Variants in MORC2 observed in about 807,000 individuals in gnomAD.
MORC2 encodes the protein ATPase MORC2.
A neutral mutation model predicts 136.0 loss-of-function variants in MORC2; 30 were observed. The ratio of observed to expected loss-of-function variants is 0.22; its 90% CI spans 0.17 to 0.30. MORC2 has a LOEUF of 0.30. Among genes scored for constraint, MORC2 ranks in the 10% least tolerant of loss-of-function variants. The pLI is 1.00. For missense variants in MORC2, 922 were observed against 1,333.1 expected (o/e 0.69, Z 4.80); for synonymous variants, 439 against 487.0 (o/e 0.90, Z 1.30).
intron 12 of MORC2, among the ~76,000 whole-genome samples, chr22:30,938,865 G>A (rs867600105): frequency 3.3e-5 from 5 of 152,086 alleles, no homozygotes; most frequent in Admixed American, 1.3e-4. Flanking sequence ...CACCGTGCCC[G>A]GCCAATTATT....
chr22:30,960,862 G>C (rs2041034729), intron 1 of MORC2, among the ~76,000 whole-genome samples: 1 of 146,020 alleles, frequency 6.8e-6, no homozygotes, highest in Non-Finnish European at 1.5e-5. Flanking sequence ...TGTTGTTGTT[G>C]TTATTTTGTT....
chr22:30,934,132 T>C lies in MORC2; in HGVS notation c.2253A>G (p.Glu751=). ...AVSDEEEVEE[E]AERRKERCKR... ...TGCACCTCTCCTTCCTCCTCTCAGCTTCCTCCTCAACTTCTTCCTCATCAG... is the reference window on the plus strand; with the variant it reads ...TGCACCTCTCCTTCCTCCTCTCAGCCTCCTCCTCAACTTCTTCCTCATCAG... Residue 751 remains glutamate (E), a synonymous_variant, in exon 20 of 26, where the codon GAA becomes GAG. Coordinates refer to ENST00000397641, the MANE Select transcript of MORC2 (RefSeq NM_001303256.3). This position sits in a 1 kb window ranked among gnomAD's most constrained non-coding sequence, Gnocchi z 4.4. 1.2e-6 allele frequency: 2 copies of C among 1,614,142 alleles called. No individual in the cohort carries two copies. Among genetic ancestry groups the C allele is most frequent in the Non-Finnish European group, 1.7e-6 (2 of 1,180,028 alleles).
In MORC2 at chr22:30,941,881, C is replaced by A. The variant is rs1408208849; in HGVS notation, c.698+10G>T. 1.3e-6 allele frequency: 2 copies of A among 1,596,070 alleles called. No individual in the cohort carries two copies. The highest frequency in any genetic ancestry group is 1.7e-6 in the Non-Finnish European group (2 of 1,164,152). ...TTCCAGGGCCTCCCTCCCTTCCCAG[C>A]CACACTCACGTGCCCTCTGGGGACG... On this transcript the variant is annotated intron_variant, in intron 8 of 25. Transcript: ENST00000397641. The surrounding 1 kb of genome is among the most constrained non-coding windows in gnomAD (Gnocchi z 4.6).
chr22:30,968,101 T>A lies in MORC2; in HGVS notation c.-212A>T. The A allele has an allele frequency of 1.9e-6, 1 of 537,202 alleles. No individual in the cohort carries two copies. Among genetic ancestry groups the A allele is most frequent in the Non-Finnish European group, 3.3e-6 (1 of 301,258 alleles). 33.3% of individuals were successfully genotyped at this position (537,202 alleles called of 1,614,324 possible). A position where few individuals can be genotyped will look rare whatever the true frequency, so the allele number is the denominator to read the frequency against. On this transcript the variant is annotated 5_prime_UTR_variant, in exon 1 of 26. Transcript: ENST00000397641. ...TTTTTTTTTAATCTTCTCAATGATT[T>A]ATGATGTAATATTTTGGAAGGAACT...
intron 5 of MORC2, among the ~76,000 whole-genome samples, chr22:30,947,063 G>A (rs1486975213): frequency 6.6e-6 from 1 of 152,196 alleles, no homozygotes; most frequent in Non-Finnish European, 1.5e-5. Context: ...ATACAGAGGG[G>A]CTAATAAAAT....
At position 30,942,282 on chromosome 22, in the gene MORC2, A is replaced by C; in HGVS notation, c.427-11T>G. 1 of 1,603,180 alleles carries C rather than the reference A, an allele frequency of 6.2e-7. No individual in the cohort carries two copies. Among genetic ancestry groups the C allele is most frequent in the Middle Eastern group, 2.0e-4 (1 of 4,898 alleles). ...CAGTGGGACTATCACCTGTGGAGTA[A>C]ACATGAGCAGGCACTTTAAGGGAAG... On this transcript the variant is annotated splice_polypyrimidine_tract_variant and intron_variant, in intron 6 of 25. Transcript: ENST00000397641.
chr22:30,927,928 A>G, intron 25 of MORC2, 91 bp downstream of exon 25: 1 of 1,476,140 alleles, frequency 6.8e-7, no homozygotes, highest in Non-Finnish European at 9.3e-7. Flanking sequence ...CTGTGAGTGG[A>G]TAGATTCTTG....
intron 1 of MORC2, among the ~76,000 whole-genome samples, chr22:30,960,390 A>T (rs1389139926): frequency 6.6e-6 from 1 of 152,258 alleles, no homozygotes; most frequent in Non-Finnish European, 1.5e-5. Flanking sequence ...TGTTATAACC[A>T]AAAGAAATTT....
At position 30,941,802 on chromosome 22, in the gene MORC2, G is replaced by T. The variant is rs180802069; in HGVS notation, c.698+89C>A. On this transcript the variant is annotated intron_variant, in intron 8 of 25. Transcript: ENST00000397641. This position sits in a 1 kb window ranked among gnomAD's most constrained non-coding sequence, Gnocchi z 4.6. ...ACCCTACCACAGAACACTGGGCAAT[G>T]AATGTGCTCTCCCCTCTTTCCCTGA... The T allele has an allele frequency of 1.1e-5, 14 of 1,267,652 alleles. No homozygotes were observed. In the Admixed American group the frequency reaches 1.5e-4, roughly 14 times the overall value. The allele number at this position is 1,267,652 out of a possible 1,614,324, so 78.5% of individuals were successfully genotyped here. A position where few individuals can be genotyped will look rare whatever the true frequency, so the allele number is the denominator to read the frequency against.
intron 20 of MORC2, 109 bp downstream of exon 20, chr22:30,933,951 T>C (rs905122411): frequency 5.0e-6 from 7 of 1,390,626 alleles, no homozygotes; most frequent in Non-Finnish European, 7.0e-6. Flanking sequence ...TGGTGGGTTG[T>C]GTAGACTGCT....
intron 3 of MORC2, among the ~76,000 whole-genome samples, chr22:30,952,429 G>T (rs575848310): frequency 6.6e-6 from 1 of 152,302 alleles, no homozygotes; most frequent in South Asian, 2.1e-4. Flanking sequence ...AGAACTCTTA[G>T]GCTGCTTTAG....
rs576149953 is a variant in MORC2 at position 30,938,601 on chromosome 22, G to A, written c.1074-396C>T. Among the ~76,000 whole-genome samples the A allele has an allele frequency of 9.9e-5, 15 of 152,168 alleles. No individual in the cohort carries two copies. In the South Asian group the frequency reaches 3.1e-3, roughly 32 times the overall value. On this transcript the variant is annotated intron_variant, in intron 12 of 25. Transcript: ENST00000397641. ...TAATTTTTTTTTGAGACATAGTCTT[G>A]CTCTGTCGCCCAGGCTGGAGTGCAG...
intron 6 of MORC2, 114 bp downstream of exon 6, chr22:30,946,227 G>A: frequency 1.4e-6 from 1 of 710,280 alleles, no homozygotes; most frequent in East Asian, 2.7e-5. Flanking sequence ...TAGGGGGAAT[G>A]TGCTCCAATC....
intron 4 of MORC2, 24 bp downstream of exon 4, chr22:30,950,353 C>CCCAAAAAA: frequency 2.0e-6 from 3 of 1,481,930 alleles, no homozygotes; most frequent in Non-Finnish European, 2.8e-6. Flanking sequence ...CCCCACCCCC[C>CCCAAAAAA]AAAACAATAA....
At chr22:30,933,779 T>C (rs2147244799) in intron 20 of MORC2, among the ~76,000 whole-genome samples, 2 of 152,320 alleles carry the variant, frequency 1.3e-5, no homozygotes, top group Admixed American at 1.3e-4. Flanking sequence ...ACTTCAGGCC[T>C]GTGGTTAAGC....
At chr22:30,967,007 T>C in intron 1 of MORC2, 2 of 812,194 alleles carry the variant, frequency 2.5e-6, no homozygotes, top group Non-Finnish European at 3.0e-6. Flanking sequence ...CTTCAGAGAC[T>C]GGACCATTCA....
intron 20 of MORC2, 151 bp downstream of exon 20, chr22:30,933,909 G>A (rs2040613640): frequency 1.1e-6 from 1 of 890,344 alleles, no homozygotes; most frequent in African/African-American, 1.7e-5. Context: ...AAACAGAGTT[G>A]GTGCAGACTG....
chr22:30,963,977 T>C (rs1324195539), intron 1 of MORC2, among the ~76,000 whole-genome samples: 3 of 152,224 alleles, frequency 2.0e-5, no homozygotes, highest in Admixed American at 1.3e-4. Flanking sequence ...ATTTAAGATA[T>C]GAGCCTGCTC....
intron 1 of MORC2, among the ~76,000 whole-genome samples, chr22:30,966,868 T>G (rs1193296878): frequency 2.0e-5 from 3 of 152,176 alleles, no homozygotes; most frequent in African/African-American, 7.2e-5. Context: ...TTTATTCCCT[T>G]TAAAGGAAAA....
Sources: gnomAD v4.1 joint callset for allele counts (sites outside exome capture counted in the v4.1 genomes callset) on GRCh38, gnomAD v4.1.1 for gene constraint, Gnocchi (gnomAD v3.1) non-coding constraint, MANE v1.5 for transcripts, NCBI Gene and HGNC (gene_info 2026-07-23, HGNC 2026-07-21) for gene names.